The following KSR2 variants were observed in gnomAD, a reference collection of about 807,000 sequenced individuals.
The protein encoded by KSR2 is kinase suppressor of ras 2.
A neutral mutation model predicts 107.8 loss-of-function variants in KSR2; 25 were observed. That is an observed-to-expected ratio of 0.23 (90% CI 0.17 to 0.32). The LOEUF (loss-of-function observed/expected upper bound fraction) is 0.32. KSR2 is among the 10% of genes least tolerant of loss of function. The probability of loss-of-function intolerance (pLI) is 1.00; values close to 1 mark genes in which losing one functional copy is unlikely to be tolerated. For synonymous variants in KSR2, 480 were observed against 507.0 expected (o/e 0.95, Z 0.71); for missense variants, 887 against 1,268.9 (o/e 0.70, Z 4.57).
At chr12:117,835,116 G>C (rs1892146869) in intron 3 of KSR2, among the ~76,000 whole-genome samples, 1 of 152,140 alleles carries the variant, frequency 6.6e-6, no homozygotes, top group South Asian at 2.1e-4. Flanking sequence ...CAGGCTCAGT[G>C]AGGCCATGTG....
At chr12:117,627,082 G>A (rs1473466754) in intron 5 of KSR2, among the ~76,000 whole-genome samples, 1 of 150,900 alleles carries the variant, frequency 6.6e-6, no homozygotes, top group East Asian at 1.9e-4. Flanking sequence ...TTTATTTTGA[G>A]CCTATGTGCG....
chr12:117,861,482 G>A lies in KSR2; in HGVS notation c.181-1051C>T, dbSNP rs187249572. 3.7e-3 allele frequency among the ~76,000 whole-genome samples: 524 copies of A among 141,182 alleles called. 3 individuals are homozygous for A. The highest frequency in any genetic ancestry group is 8.1e-3 in the Middle Eastern group (2 of 246). The allele number at this position is 141,182 out of a possible 152,430, so 92.6% of individuals were successfully genotyped here. On this transcript the variant is annotated intron_variant, in intron 1 of 19. Transcript: ENST00000339824. The stretch of plus-strand genomic sequence containing the variant: ...CGGCTCACTGCAAGCTCCGCCTCCC[G>A]GGTTCACGCCATTCTCCTGCCTCAG...
chr12:117,809,994 T>C (rs189556946), intron 3 of KSR2, among the ~76,000 whole-genome samples: 1 of 152,262 alleles, frequency 6.6e-6, no homozygotes, highest in East Asian at 1.9e-4. Context: ...TGGGCATTTG[T>C]GAGGTTCAGT....
At chr12:117,649,388 G>A (rs1275827452) in intron 5 of KSR2, among the ~76,000 whole-genome samples, 1 of 152,186 alleles carries the variant, frequency 6.6e-6, no homozygotes, top group Admixed American at 6.5e-5. Flanking sequence ...GCTGTAGGGT[G>A]GGGCGATATC....
chr12:117,506,451 T>G (rs79204076), intron 14 of KSR2, among the ~76,000 whole-genome samples: 5,007 of 152,296 alleles, frequency 0.033, 285 homozygotes, highest in African/African-American at 0.11. Context: ...GTTGTCAATT[T>G]CAGGTTGCAA....
rs1240396720 is a variant in KSR2, at chr12:117,471,276, G to T, written c.2627C>A (p.Thr876Asn). 5.0e-6 allele frequency: 8 copies of T among 1,613,738 alleles called. No individual in the cohort carries two copies. The Admixed American group carries it at 8.3e-5, about 17-fold the overall frequency. Residue 876 changes from threonine to asparagine, a missense_variant, in exon 18 of 20, where the codon ACC (threonine) becomes AAC (asparagine). Thr to Asn is a moderately conservative substitution (Grantham distance 65, BLOSUM62 0). Around this residue, in one of 8 missense-constraint regions of KSR2, gnomAD observed 308 missense variants for 506.2 expected, o/e 0.61. Transcript: ENST00000339824. Reference sequence around the variant, plus strand: ...CCAGATTATTGCCTCTGCTGGTTGGGTCTTGAAAGGCCATTCCCTGGCGTG... The same window carrying T: ...CCAGATTATTGCCTCTGCTGGTTGGTTCTTGAAAGGCCATTCCCTGGCGTG... ...ELHAREWPFK[T>N]QPAEAIIWQM...
At chr12:117,622,446 T>G (rs751296432) in intron 5 of KSR2, among the ~76,000 whole-genome samples, 3 of 152,148 alleles carry the variant, frequency 2.0e-5, no homozygotes, top group Non-Finnish European at 4.4e-5. Flanking sequence ...TTTATTCAAC[T>G]GGCATCTTAT....
chr12:117,529,391 T>G (rs1875450515), intron 12 of KSR2, among the ~76,000 whole-genome samples: 1 of 152,102 alleles, frequency 6.6e-6, no homozygotes, highest in Non-Finnish European at 1.5e-5. Context: ...AATGTTTGTA[T>G]TTTTAATATA....
chr12:117,606,843 T>C (rs1420627657), intron 5 of KSR2, among the ~76,000 whole-genome samples: 1 of 150,906 alleles, frequency 6.6e-6, no homozygotes, highest in Non-Finnish European at 1.5e-5. Context: ...TTTTCCTCAA[T>C]GAAGAAAACG....
At chr12:117,479,944 G>T (rs1872051314) in intron 16 of KSR2, among the ~76,000 whole-genome samples, 1 of 152,070 alleles carries the variant, frequency 6.6e-6, no homozygotes, top group African/African-American at 2.4e-5. Flanking sequence ...CTGTTGCAAG[G>T]ATTAAAATGA....
intron 4 of KSR2, among the ~76,000 whole-genome samples, chr12:117,690,508 T>C (rs1037403523): frequency 1.3e-4 from 20 of 150,690 alleles, no homozygotes; most frequent in African/African-American, 4.9e-4. Flanking sequence ...GAGGTTGCAG[T>C]GAGCCGAGAT....
Position 117,544,347 on chromosome 12 carries a change from C to T in KSR2, c.1519-4460G>A, listed in dbSNP as rs114030453. ...AAATATAACTGATTTGGGCCAGGCA[C>T]GGTGGCTTGCGCTTGTAATCCTAGC... is the stretch of plus-strand genomic sequence containing the variant. On this transcript the variant is annotated intron_variant, in intron 9 of 19. Transcript: ENST00000339824. 9.9e-3 allele frequency among the ~76,000 whole-genome samples: 1,508 copies of T among 152,194 alleles called. 29 individuals carry two copies. Among genetic ancestry groups the T allele is most frequent in the African/African-American group, 0.034 (1,414 of 41,524 alleles).
chr12:117,860,714 C>T (rs1893262497), intron 1 of KSR2, among the ~76,000 whole-genome samples: 1 of 152,034 alleles, frequency 6.6e-6, no homozygotes, highest in African/African-American at 2.4e-5. Flanking sequence ...ACATCTTTTT[C>T]TGTTTTTGTT....
rs138840000 is a variant in KSR2, at chr12:117,894,144, C to T, written c.181-33713G>A. On this transcript the variant is annotated intron_variant, in intron 1 of 19. Coordinates refer to ENST00000339824, the MANE Select transcript of KSR2 (RefSeq NM_173598.6). ...AAGGATGGTTTCCATCTCCTGACCTCGTGATCCACCCGCCTCGGCCTCCCA... is the reference window on the plus strand; with the variant it reads ...AAGGATGGTTTCCATCTCCTGACCTTGTGATCCACCCGCCTCGGCCTCCCA... Among the ~76,000 whole-genome samples, 968 of 152,062 alleles carry T rather than the reference C, an allele frequency of 6.4e-3. 9 individuals carry two copies. Among genetic ancestry groups the T allele is most frequent in the African/African-American group, 0.022 (902 of 41,488 alleles).
rs557958410 is a variant in KSR2, at chr12:117,898,939, T to C, written c.181-38508A>G. 2.2e-3 allele frequency among the ~76,000 whole-genome samples: 341 copies of C among 152,320 alleles called. 6 individuals carry two copies. The highest frequency in any genetic ancestry group is 4.7e-4 in the Non-Finnish European group (32 of 68,034). On this transcript the variant is annotated intron_variant, in intron 1 of 19. Coordinates refer to ENST00000339824, the MANE Select transcript of KSR2 (RefSeq NM_173598.6). ...AGGTCTAGCTAACATAAATTCCTAC[T>C]TGGAGGCAGGGAGCAGGGCCCGACA... is the stretch of plus-strand genomic sequence containing the variant.
In KSR2 at chr12:117,485,678, G is replaced by A. The variant is rs376594010; in HGVS notation, c.2233C>T (p.Arg745Trp). Residue 745 changes from arginine (R) to tryptophan (W), a missense_variant, in exon 15 of 20, where the codon CGG (arginine) becomes TGG (tryptophan). Around this residue, in one of 8 missense-constraint regions of KSR2, gnomAD observed 308 missense variants for 506.2 expected, o/e 0.61. Transcript: ENST00000339824. ...LAIITSLCKG[R>W]TLYSVVRDAK... ...TCCCTCACAACGGAATAGAGCGTCCGTCCCTTACAGAGGCTGAAAAGCAAA... is the reference window on the plus strand; with the variant it reads ...TCCCTCACAACGGAATAGAGCGTCCATCCCTTACAGAGGCTGAAAAGCAAA... The A allele has an allele frequency of 3.1e-6, 5 of 1,612,738 alleles. No homozygotes were observed. The highest frequency in any genetic ancestry group is 4.2e-6 in the Non-Finnish European group (5 of 1,178,940).
At chr12:117,674,181 A>G in intron 4 of KSR2, 1 of 436,406 alleles carries the variant, frequency 2.3e-6, no homozygotes, top group Non-Finnish European at 4.6e-6. Flanking sequence ...ACAGTATCAA[A>G]ACTAAAAGGA....
intron 1 of KSR2, among the ~76,000 whole-genome samples, chr12:117,901,896 C>T (rs1365203435): frequency 6.6e-6 from 1 of 152,122 alleles, no homozygotes; most frequent in Non-Finnish European, 1.5e-5. Flanking sequence ...ACCTTTTCCA[C>T]TCAGTTCAAA....
intron 12 of KSR2, 64 bp downstream of exon 12, chr12:117,530,877 A>C (rs747281770): frequency 7.2e-7 from 1 of 1,381,162 alleles, no homozygotes. Context: ...AGGGAACCTG[A>C]GTGGATTGTA....
Sources: gnomAD v4.1 joint callset for allele counts (sites outside exome capture counted in the v4.1 genomes callset) on GRCh38, gnomAD v4.1.1 for gene constraint, gnomAD v4.1.1 regional missense constraint, MANE v1.5 for transcripts, NCBI Gene and HGNC (gene_info 2026-07-23, HGNC 2026-07-21) for gene names.